The following ADGRB3 variants were observed in gnomAD, a reference collection of about 807,000 sequenced individuals.
ADGRB3 encodes adhesion G protein-coupled receptor B3.
Under a neutral mutation model 193.4 loss-of-function variants are expected in ADGRB3, and 37 were observed. That is an observed-to-expected ratio of 0.19 (90% CI 0.15 to 0.25). The LOEUF is 0.25. ADGRB3 is among the 10% of genes least tolerant of loss of function. The pLI, the probability that ADGRB3 is intolerant of heterozygous loss-of-function variation, is 1.00. For missense variants in ADGRB3, 1,637 were observed against 1,852.9 expected, an observed-to-expected ratio of 0.88 and a Z score of 2.14; for synonymous variants, 690 against 644.2, an observed-to-expected ratio of 1.07 and a Z score of -1.08.
chr6:68,744,815 A>T (rs1030942211), intron 3 of ADGRB3, among the ~76,000 whole-genome samples: 2 of 152,102 alleles, frequency 1.3e-5, no homozygotes, highest in Non-Finnish European at 2.9e-5. Flanking sequence ...GCAGCAAACC[A>T]CCATGGCACG....
intron 31 of ADGRB3, 27 bp downstream of exon 31, chr6:69,382,962 A>C: frequency 1.4e-6 from 2 of 1,433,414 alleles, no homozygotes; most frequent in South Asian, 2.4e-5. Flanking sequence ...TCAATGCCTG[A>C]GTAGAAGATG....
chr6:68,962,340 C>T (rs985892206), intron 8 of ADGRB3, among the ~76,000 whole-genome samples: 2 of 151,992 alleles, frequency 1.3e-5, no homozygotes, highest in Non-Finnish European at 1.5e-5. Context: ...GGGGAAGAAC[C>T]GCTGAGATCT....
At chr6:69,209,088 C>A (rs1270035330) in intron 17 of ADGRB3, among the ~76,000 whole-genome samples, 1 of 152,216 alleles carries the variant, frequency 6.6e-6, no homozygotes, top group Non-Finnish European at 1.5e-5. Context: ...GCATCCCTAT[C>A]TGCCACTGAC....
chr6:68,722,007 A>G (rs949181397), intron 3 of ADGRB3, among the ~76,000 whole-genome samples: 7 of 151,620 alleles, frequency 4.6e-5, no homozygotes, highest in African/African-American at 1.7e-4. Flanking sequence ...TTCTTCTTAT[A>G]TATATATTCT....
intron 3 of ADGRB3, among the ~76,000 whole-genome samples, chr6:68,650,692 T>A (rs76685541): frequency 0.028 from 4,206 of 152,290 alleles, 181 homozygotes; most frequent in African/African-American, 0.095. Context: ...TATTTTTGTG[T>A]ATCTTCTTCG....
intron 3 of ADGRB3, among the ~76,000 whole-genome samples, chr6:68,721,315 C>T (rs9354797): frequency 0.28 from 42,795 of 151,590 alleles, 6,551 homozygotes; most frequent in Middle Eastern, 0.35. Context: ...GATGAGTTCA[C>T]GTCCTTTGTA....
chr6:69,173,993 T>G (rs985180702), intron 17 of ADGRB3, among the ~76,000 whole-genome samples: 9 of 152,250 alleles, frequency 5.9e-5, no homozygotes, highest in African/African-American at 1.7e-4. Context: ...GATGAACGTT[T>G]GAAGAAAAGG....
intron 3 of ADGRB3, among the ~76,000 whole-genome samples, chr6:68,878,440 T>C (rs894604464): frequency 6.6e-6 from 1 of 152,172 alleles, no homozygotes; most frequent in African/African-American, 2.4e-5. Flanking sequence ...AAAAAATTAA[T>C]ACCTAGTTAT....
At chr6:68,939,654 A>G (rs1767582826) in intron 5 of ADGRB3, among the ~76,000 whole-genome samples, 1 of 152,174 alleles carries the variant, frequency 6.6e-6, no homozygotes, top group Non-Finnish European at 1.5e-5. Flanking sequence ...TTGTTATGAA[A>G]TATTTTGTGC....
chr6:68,874,796 A>G (rs1231542132), intron 3 of ADGRB3, among the ~76,000 whole-genome samples: 1 of 152,138 alleles, frequency 6.6e-6, no homozygotes, highest in Non-Finnish European at 1.5e-5. Flanking sequence ...ATTTGCAACT[A>G]GATTGTTCAG....
chr6:69,069,722 C>T (rs1279887141), intron 16 of ADGRB3, among the ~76,000 whole-genome samples: 2 of 116,832 alleles, frequency 1.7e-5, no homozygotes, highest in African/African-American at 6.2e-5. Flanking sequence ...CAGAGTGAGA[C>T]TCTCTCATTA....
intron 26 of ADGRB3, among the ~76,000 whole-genome samples, chr6:69,341,669 T>A (rs1768975880): frequency 1.3e-5 from 2 of 152,094 alleles, no homozygotes; most frequent in Non-Finnish European, 2.9e-5. Flanking sequence ...TAAGAGGAAA[T>A]TGAATAATAA....
chr6:69,342,668 C>G (rs1458195250), intron 26 of ADGRB3, among the ~76,000 whole-genome samples: 2 of 152,006 alleles, frequency 1.3e-5, no homozygotes, highest in Admixed American at 1.3e-4. Context: ...TGTGTCTCCA[C>G]TGAACAATAA....
intron 25 of ADGRB3, 132 bp downstream of exon 25, chr6:69,339,146 C>A (rs1447142045): frequency 2.7e-6 from 3 of 1,119,124 alleles, no homozygotes; most frequent in East Asian, 4.9e-5. Context: ...TAATTGGCAA[C>A]TGTCTTTATA....
chr6:68,840,686 C>CAAAAACAAACAAACAA lies in ADGRB3; in HGVS notation c.758-89871_758-89856dup, dbSNP rs1197464356. 6.2e-5 allele frequency among the ~76,000 whole-genome samples: 8 copies of CAAAAACAAACAAACAA among 128,710 alleles called. 1 individual carries two copies. Among genetic ancestry groups the CAAAAACAAACAAACAA allele is most frequent in the African/African-American group, 2.3e-4 (8 of 34,118 alleles). The allele number at this position is 128,710 out of a possible 152,430, so 84.4% of individuals were successfully genotyped here. Reference sequence around the variant, plus strand: ...TAGATTCAAGAGGTAGGGAGGATCACAAAAACAAACAAACAAACAAACAAA... The same window carrying CAAAAACAAACAAACAA: ...TAGATTCAAGAGGTAGGGAGGATCACAAAAACAAACAAACAAAAAAACAAACAAACAAACAAACAAA... On this transcript the variant is annotated intron_variant, in intron 3 of 31. Coordinates refer to ENST00000370598, the MANE Select transcript of ADGRB3 (RefSeq NM_001704.3).
intron 30 of ADGRB3, among the ~76,000 whole-genome samples, chr6:69,380,761 A>G (rs1769929342): frequency 1.3e-5 from 2 of 151,950 alleles, no homozygotes; most frequent in African/African-American, 4.8e-5. Context: ...TATTTGAATT[A>G]TTATGGCTGT....
At chr6:69,005,668 T>C (rs1769726670) in intron 11 of ADGRB3, among the ~76,000 whole-genome samples, 1 of 152,146 alleles carries the variant, frequency 6.6e-6, no homozygotes, top group Admixed American at 6.5e-5. Context: ...TTCCTTTTGG[T>C]CTGGCAGGTT....
chr6:68,755,333 A>C (rs1414132855), intron 3 of ADGRB3, among the ~76,000 whole-genome samples: 2 of 152,160 alleles, frequency 1.3e-5, no homozygotes, highest in African/African-American at 4.8e-5. Flanking sequence ...AGGAGGTTGG[A>C]GGGGAGGTCC....
intron 17 of ADGRB3, among the ~76,000 whole-genome samples, chr6:69,128,089 C>T (rs1042104641): frequency 4.6e-5 from 7 of 152,084 alleles, no homozygotes; most frequent in African/African-American, 1.7e-4. Flanking sequence ...TAGTTACTCT[C>T]TTTGCAGTGA....
Sources: gnomAD v4.1 joint callset for allele counts (sites outside exome capture counted in the v4.1 genomes callset) on GRCh38, gnomAD v4.1.1 for gene constraint, MANE v1.5 for transcripts, NCBI Gene and HGNC (gene_info 2026-07-23, HGNC 2026-07-21) for gene names.